Variants in CYP7B1 observed in about 807,000 individuals in gnomAD.
CYP7B1 encodes cytochrome P450 family 7 subfamily B member 1, also known as cytochrome P450 7B1.
CYP7B1 carries 29 observed loss-of-function variants against 42.7 expected under a neutral mutation model. The ratio of observed to expected loss-of-function variants is 0.68; its 90% CI spans 0.51 to 0.93. CYP7B1 has a LOEUF of 0.93. Ranked by LOEUF, CYP7B1 falls within the 40% of genes least tolerant of loss-of-function variation. The pLI, the probability that CYP7B1 is intolerant of heterozygous loss-of-function variation, is 0.00. For missense variants in CYP7B1, 655 were observed against 600.5 expected (o/e 1.09, Z -0.95); for synonymous variants, 235 against 218.2 (o/e 1.08, Z -0.68).
At chr8:64,610,732 G>A (rs1805351528) in intron 4 of CYP7B1, among the ~76,000 whole-genome samples, 1 of 151,920 alleles carries the variant, frequency 6.6e-6, no homozygotes, top group Admixed American at 6.6e-5. Context: ...CTGCATTTGA[G>A]AATCAGTAAT....
chr8:64,614,940 C>T (rs1805410924), intron 4 of CYP7B1, 86 bp downstream of exon 4: 2 of 1,326,652 alleles, frequency 1.5e-6, no homozygotes, highest in Admixed American at 3.4e-5. Context: ...GCTGTGTCCT[C>T]TACCTCTTGG....
At chr8:64,628,221 C>A (rs903768906) in intron 1 of CYP7B1, among the ~76,000 whole-genome samples, 1 of 152,196 alleles carries the variant, frequency 6.6e-6, no homozygotes, top group African/African-American at 2.4e-5. Context: ...TGAGCTTATA[C>A]AGGCTCTTGA....
At chr8:64,588,537 T>C (rs1034196360), downstream of CYP7B1, among the ~76,000 whole-genome samples, 2 of 152,272 alleles carry the variant, frequency 1.3e-5, no homozygotes, top group African/African-American at 4.8e-5. Flanking sequence ...AAATGTTTCA[T>C]GGCCTAACCT....
At chr8:64,647,616 A>C (rs186628289) in intron 1 of CYP7B1, among the ~76,000 whole-genome samples, 3 of 152,210 alleles carry the variant, frequency 2.0e-5, no homozygotes, top group Admixed American at 6.5e-5. Context: ...CCTGAGAACC[A>C]GGGGGAGCTG....
intron 1 of CYP7B1, among the ~76,000 whole-genome samples, chr8:64,776,849 T>C (rs559172599): frequency 7.9e-5 from 12 of 152,196 alleles, no homozygotes; most frequent in Admixed American, 5.2e-4. Flanking sequence ...GACACAGAGA[T>C]GCCAAGAAGA....
intron 4 of CYP7B1, 89 bp downstream of exon 4, chr8:64,614,937 C>T: frequency 3.9e-6 from 5 of 1,271,268 alleles, no homozygotes; most frequent in Non-Finnish European, 4.6e-6. Context: ...GCAGCTGTGT[C>T]CTCTACCTCT....
At chr8:64,756,175 C>G (rs372716857) in intron 1 of CYP7B1, among the ~76,000 whole-genome samples, 16 of 152,318 alleles carry the variant, frequency 1.1e-4, no homozygotes, top group African/African-American at 1.7e-4. Context: ...CATTTCCCCC[C>G]CTCTAGTCCT....
chr8:64,700,284 C>G (rs999617958), intron 1 of CYP7B1, among the ~76,000 whole-genome samples: 1 of 152,092 alleles, frequency 6.6e-6, no homozygotes, highest in Admixed American at 6.6e-5. Context: ...TCCTTTCTAA[C>G]AACCACCAGG....
intron 1 of CYP7B1, among the ~76,000 whole-genome samples, chr8:64,764,991 A>C (rs1028272557): frequency 5.9e-5 from 9 of 151,300 alleles, no homozygotes; most frequent in African/African-American, 1.7e-4. Flanking sequence ...AAAAAAAAAA[A>C]CACAATGGAT....
chr8:64,726,521 T>C (rs1807327293), intron 1 of CYP7B1, among the ~76,000 whole-genome samples: 1 of 152,120 alleles, frequency 6.6e-6, no homozygotes, highest in African/African-American at 2.4e-5. Context: ...GAAGTCAGGG[T>C]TGCTGGCTGT....
intron 4 of CYP7B1, among the ~76,000 whole-genome samples, chr8:64,606,304 C>T (rs1006542934): frequency 2.0e-5 from 3 of 152,216 alleles, no homozygotes; most frequent in African/African-American, 2.4e-5. Flanking sequence ...TTTCAGCTGG[C>T]AGAACACCAA....
intron 1 of CYP7B1, among the ~76,000 whole-genome samples, chr8:64,751,063 C>A (rs950296862): frequency 6.6e-6 from 1 of 152,124 alleles, no homozygotes; most frequent in Non-Finnish European, 1.5e-5. Flanking sequence ...GTAGATGTGC[C>A]TTTATACTGG....
chr8:64,643,510 C>T (rs1399274704), intron 1 of CYP7B1, among the ~76,000 whole-genome samples: 1 of 152,168 alleles, frequency 6.6e-6, no homozygotes, highest in East Asian at 1.9e-4. Flanking sequence ...ATGTTGATGA[C>T]TGCTGACTGA....
chr8:64,621,320 A>G (rs890659127), intron 2 of CYP7B1, among the ~76,000 whole-genome samples: 1 of 152,238 alleles, frequency 6.6e-6, no homozygotes, highest in African/African-American at 2.4e-5. Flanking sequence ...ATAACTTCAC[A>G]ATGTATTAAA....
At chr8:64,779,478 T>A (rs1323549829) in intron 1 of CYP7B1, among the ~76,000 whole-genome samples, 2 of 152,104 alleles carry the variant, frequency 1.3e-5, no homozygotes, top group Non-Finnish European at 2.9e-5. Context: ...CCAACAATAT[T>A]GGAGTAGCCA....
At position 64,640,865 on chromosome 8, in the gene CYP7B1, C is replaced by T. The variant is rs548151528; in HGVS notation, c.123-16326G>A. Among the ~76,000 whole-genome samples the T allele has an allele frequency of 2.4e-3, 369 of 152,272 alleles. 1 individual carries two copies. The highest frequency in any genetic ancestry group is 3.5e-3 in the Non-Finnish European group (240 of 68,008). ...TTTTTCTCTTTTCTGATGTTTTGCA[C>T]TTGTGATGAGCCCAGAGGTGATAAT... On this transcript the variant is annotated intron_variant, in intron 1 of 5. Transcript: ENST00000310193.
intron 4 of CYP7B1, among the ~76,000 whole-genome samples, chr8:64,605,335 CTT>C (rs1462693315): frequency 1.3e-5 from 2 of 152,164 alleles, no homozygotes; most frequent in African/African-American, 4.8e-5. Context: ...CAGCTTAACA[CTT>C]AATTTCTTTT....
intron 2 of CYP7B1, among the ~76,000 whole-genome samples, chr8:64,618,556 T>C (rs978567898): frequency 6.9e-6 from 1 of 145,162 alleles, no homozygotes; most frequent in African/African-American, 2.8e-5. Flanking sequence ...TCATTACAAA[T>C]ACACACATTC....
At chr8:64,679,483 G>T (rs1160719067) in intron 1 of CYP7B1, among the ~76,000 whole-genome samples, 1 of 152,104 alleles carries the variant, frequency 6.6e-6, no homozygotes, top group Non-Finnish European at 1.5e-5. Flanking sequence ...TGGGCAAAAG[G>T]CTCAAGTCAG....
Sources: gnomAD v4.1 joint callset for allele counts (sites outside exome capture counted in the v4.1 genomes callset) on GRCh38, gnomAD v4.1.1 for gene constraint, MANE v1.5 for transcripts, NCBI Gene and HGNC (gene_info 2026-07-23, HGNC 2026-07-21) for gene names.